Variants in TMTC4 observed in about 807,000 individuals in gnomAD.
TMTC4 encodes the protein transmembrane O-mannosyltransferase targeting cadherins 4, also known as protein O-mannosyl-transferase TMTC4.
TMTC4 carries 65 observed loss-of-function variants against 86.0 expected under a neutral mutation model. The observed-to-expected ratio is 0.76, with a 90% CI of 0.62 to 0.93. TMTC4 has a LOEUF of 0.93. Among genes scored for constraint, TMTC4 ranks in the 40% least tolerant of loss-of-function variants. The pLI is 0.00. For missense variants in TMTC4, 866 were observed against 948.1 expected (o/e 0.91, Z 1.14); for synonymous variants, 379 against 382.5 (o/e 0.99, Z 0.11).
At chr13:100,607,516 C>CAA (rs35106656) in intron 17 of TMTC4, among the ~76,000 whole-genome samples, 17 of 125,966 alleles carry the variant, frequency 1.3e-4, no homozygotes, top group African/African-American at 4.1e-4. Context: ...GACTCTGTCT[C>CAA]AAAAAAAAAA....
At position 100,631,869 on chromosome 13, in the gene TMTC4, A is replaced by T. The variant is rs937338815; in HGVS notation, c.1506+2936T>A. Among the ~76,000 whole-genome samples, 5 of 152,344 alleles carry T rather than the reference A, an allele frequency of 3.3e-5. No individual in the cohort carries two copies. The South Asian group carries it at 8.3e-4, about 25-fold the overall frequency. On this transcript the variant is annotated intron_variant, in intron 12 of 18. Coordinates refer to ENST00000342624, the MANE Select transcript of TMTC4 (RefSeq NM_032813.5). ...AAGGAAGTAAAGATAATTTTATGACACTTCAATTTAAAAAGAAACTCCCAA... is the reference window on the plus strand; with the variant it reads ...AAGGAAGTAAAGATAATTTTATGACTCTTCAATTTAAAAAGAAACTCCCAA...
chr13:100,632,045 A>ACTCTCTCTCT (rs1409294236), intron 12 of TMTC4, among the ~76,000 whole-genome samples: 1 of 65,050 alleles, frequency 1.5e-5, no homozygotes, highest in African/African-American at 4.4e-5. Flanking sequence ...ACACACACAC[A>ACTCTCTCTCT]CACACACACT....
At chr13:100,626,337 G>T (rs1432357998) in intron 12 of TMTC4, among the ~76,000 whole-genome samples, 187 bp from the exon 13 acceptor site, 1 of 152,166 alleles carries the variant, frequency 6.6e-6, no homozygotes, top group East Asian at 1.9e-4. Context: ...CCTGTAAGAG[G>T]ATCAGAAGAA....
chr13:100,607,608 T>C (rs975914939), intron 17 of TMTC4, among the ~76,000 whole-genome samples: 4 of 149,930 alleles, frequency 2.7e-5, no homozygotes, highest in African/African-American at 1.0e-4. Flanking sequence ...ACCTGGGTCA[T>C]ACATGAATTT....
At chr13:100,609,870 AG>A (rs2153022085) in intron 17 of TMTC4, among the ~76,000 whole-genome samples, 2 of 152,296 alleles carry the variant, frequency 1.3e-5, no homozygotes, top group South Asian at 4.1e-4. Context: ...GGTTTTAAGA[AG>A]GGCTGCTCAG....
At chr13:100,634,176 T>C (rs181554861) in intron 12 of TMTC4, among the ~76,000 whole-genome samples, 12 of 151,060 alleles carry the variant, frequency 7.9e-5, no homozygotes, top group East Asian at 3.9e-4. Flanking sequence ...TATGGGACCA[T>C]GGTCATATAT....
At chr13:100,625,698 A>G (rs376178318) in intron 14 of TMTC4, 22 bp from the exon 15 acceptor site, 24 of 1,612,038 alleles carry the variant, frequency 1.5e-5, no homozygotes, top group Non-Finnish European at 1.9e-5. Flanking sequence ...GTTTTAACAA[A>G]GATAAACAAG....
At chr13:100,661,598 T>C (rs1329975010) in intron 5 of TMTC4, among the ~76,000 whole-genome samples, 1 of 152,200 alleles carries the variant, frequency 6.6e-6, no homozygotes, top group Non-Finnish European at 1.5e-5. Context: ...CAGTTATATA[T>C]AAAGAGCTTA....
intron 16 of TMTC4, 121 bp from the exon 17 acceptor site, chr13:100,612,631 G>C: frequency 3.5e-6 from 2 of 578,398 alleles, no homozygotes; most frequent in East Asian, 3.8e-5. Context: ...AACTACTTAA[G>C]AAAATCTGTG....
chr13:100,674,247 C>T (rs1222293508), intron 1 of TMTC4: 2 of 980,146 alleles, frequency 2.0e-6, no homozygotes, highest in African/African-American at 3.5e-5. Flanking sequence ...GCTCGCGGCG[C>T]GGCGGGGGAG....
intron 12 of TMTC4, among the ~76,000 whole-genome samples, chr13:100,634,412 T>C (rs1881897371): frequency 1.3e-5 from 2 of 152,138 alleles, no homozygotes. Context: ...GGCTAGTTAA[T>C]GCTATCACTA....
At chr13:100,664,426 G>T (rs1320379331) in intron 3 of TMTC4, 90 bp from the exon 4 acceptor site, 9 of 866,152 alleles carry the variant, frequency 1.0e-5, no homozygotes, top group Middle Eastern at 3.1e-4. Context: ...ATGCAGTCAG[G>T]CCTCCTAGCG....
At chr13:100,620,725 C>T (rs967369459) in intron 15 of TMTC4, among the ~76,000 whole-genome samples, 8 of 152,160 alleles carry the variant, frequency 5.3e-5, no homozygotes, top group Admixed American at 2.6e-4. Flanking sequence ...TTGCGCTCTT[C>T]CTGACTTCCT....
At chr13:100,665,153 G>A (rs1368251043) in intron 3 of TMTC4, among the ~76,000 whole-genome samples, 1 of 151,994 alleles carries the variant, frequency 6.6e-6, no homozygotes, top group Non-Finnish European at 1.5e-5. Flanking sequence ...AGATAATTTG[G>A]TACTATACTA....
Position 100,634,930 on chromosome 13 carries a change from T to C in TMTC4, c.1381A>G (p.Ile461Val), listed in dbSNP as rs1390690940. The stretch of plus-strand genomic sequence containing the variant: ...AAGATTCCCAGCACGACAGCGGCAA[T>C]GAGTTTCTTAAGAACAGAAAGACAT... ...LSKHTKKKKL[I>V]AAVVLGILFI... is the part of the protein sequence containing the mutation. The change falls in exon 12 of 19, where the codon ATT becomes GTT. Residue 461 changes from isoleucine (I) to valine (V), a missense_variant. By Grantham distance (29) the Ile-to-Val change is conservative. Coordinates refer to ENST00000342624, the MANE Select transcript of TMTC4 (RefSeq NM_032813.5). The C allele has an allele frequency of 6.2e-7, 1 of 1,613,942 alleles. No homozygotes were observed. The highest frequency in any genetic ancestry group is 1.3e-5 in the African/African-American group (1 of 75,018).
intron 2 of TMTC4, 32 bp from the exon 3 acceptor site, chr13:100,668,826 A>C: frequency 6.2e-7 from 1 of 1,608,180 alleles, no homozygotes; most frequent in Non-Finnish European, 8.5e-7. Context: ...ATAAATATTC[A>C]TCAACACTGG....
chr13:100,668,425 G>C (rs1886657139), intron 3 of TMTC4, 154 bp downstream of exon 3: 2 of 743,746 alleles, frequency 2.7e-6, no homozygotes, highest in African/African-American at 1.8e-5. Context: ...AATCATGGAG[G>C]CGATGTTGAA....
In TMTC4 at chr13:100,619,602, C is replaced by A. The variant is rs78778666; in HGVS notation, c.1837-5172G>T. 1.9e-3 allele frequency among the ~76,000 whole-genome samples: 284 copies of A among 152,074 alleles called. 4 individuals are homozygous for A. In the East Asian group the frequency reaches 0.031, roughly 17 times the overall value. On this transcript the variant is annotated intron_variant, in intron 15 of 18. Coordinates refer to ENST00000342624, the MANE Select transcript of TMTC4 (RefSeq NM_032813.5). The stretch of plus-strand genomic sequence containing the variant: ...CACAGCAAATAGATAGCATATTATG[C>A]AAGAAAAAGAAAGCTTTAATGAATT...
At chr13:100,645,483 G>A (rs553201450) in intron 6 of TMTC4, among the ~76,000 whole-genome samples, 1 of 152,244 alleles carries the variant, frequency 6.6e-6, no homozygotes, top group African/African-American at 2.4e-5. Context: ...GACTGCCCCT[G>A]TGAGCAGGTG....
Sources: gnomAD v4.1 joint callset for allele counts (sites outside exome capture counted in the v4.1 genomes callset) on GRCh38, gnomAD v4.1.1 for gene constraint, MANE v1.5 for transcripts, NCBI Gene and HGNC (gene_info 2026-07-23, HGNC 2026-07-21) for gene names.